The following ABCC5 variants were observed in gnomAD, a reference collection of about 807,000 sequenced individuals.
The protein encoded by ABCC5 is ATP-binding cassette sub-family C member 5.
ABCC5 carries 61 observed loss-of-function variants against 160.9 expected under a neutral mutation model. The observed-to-expected ratio is 0.38, with a 90% CI of 0.31 to 0.47. The LOEUF (loss-of-function observed/expected upper bound fraction) is 0.47. ABCC5 is among the 20% of genes least tolerant of loss of function. The pLI, the probability that ABCC5 is intolerant of heterozygous loss-of-function variation, is 0.99. For missense variants in ABCC5, 1,308 were observed against 1,813.3 expected, an observed-to-expected ratio of 0.72 and a Z score of 5.06; for synonymous variants, 666 against 700.6, an observed-to-expected ratio of 0.95 and a Z score of 0.78.
At chr3:184,006,675 T>C (rs898582484) in intron 2 of ABCC5, among the ~76,000 whole-genome samples, 12 of 152,342 alleles carry the variant, frequency 7.9e-5, no homozygotes, top group Admixed American at 4.6e-4. Context: ...AATGAGCCCA[T>C]ATTTCTTTCC....
chr3:183,968,533 G>T (rs1298367369), intron 11 of ABCC5, among the ~76,000 whole-genome samples: 1 of 152,014 alleles, frequency 6.6e-6, no homozygotes, highest in Non-Finnish European at 1.5e-5. Context: ...AAAAACCATG[G>T]ACACTGTTGC....
intron 25 of ABCC5, chr3:183,942,436 A>G: frequency 1.7e-6 from 1 of 576,426 alleles, no homozygotes; most frequent in Non-Finnish European, 3.3e-6. Context: ...TAGCTACCAA[A>G]ATGTTACCAG....
intron 2 of ABCC5, among the ~76,000 whole-genome samples, chr3:184,007,664 A>G (rs982750412): frequency 6.6e-6 from 1 of 151,936 alleles, no homozygotes; most frequent in Admixed American, 6.6e-5. Context: ...CATCTCTACT[A>G]AAAATACAAA....
In ABCC5 at chr3:183,989,140, A is replaced by C. The variant is rs369916429; in HGVS notation, c.287+86T>G. On this transcript the variant is annotated intron_variant, in intron 3 of 29. Transcript: ENST00000334444. ...GAGCCGAGATCATGCCACTGGCGAC[A>C]GAGCAAGACTCCATCTCAAAAAAAA... 5.3e-6 allele frequency: 7 copies of C among 1,319,918 alleles called. No individual in the cohort carries two copies. The African/African-American group carries it at 9.6e-5, about 18-fold the overall frequency. 81.8% of individuals were successfully genotyped at this position (1,319,918 alleles called of 1,614,324 possible).
In ABCC5 at chr3:183,960,579, T is replaced by C. The variant is rs1383570971; in HGVS notation, c.2380-744A>G. Reference sequence around the variant, plus strand: ...CTTGTAAGCCACATTTGTAAGTGCTTGTAAGAGCATAAAAGCATCGGTCTT... The same window carrying C: ...CTTGTAAGCCACATTTGTAAGTGCTCGTAAGAGCATAAAAGCATCGGTCTT... On this transcript the variant is annotated intron_variant, in intron 16 of 29. Transcript: ENST00000334444. Among the ~76,000 whole-genome samples, 3 of 152,140 alleles carry C rather than the reference T, an allele frequency of 2.0e-5. 1 individual carries two copies. The highest frequency in any genetic ancestry group is 2.0e-4 in the Admixed American group (3 of 15,268).
At chr3:183,999,507 C>T (rs535473256) in intron 2 of ABCC5, among the ~76,000 whole-genome samples, 13 of 152,230 alleles carry the variant, frequency 8.5e-5, no homozygotes, top group African/African-American at 3.1e-4. Flanking sequence ...GGGCCAGGTG[C>T]ACTGGCTCAC....
At chr3:183,970,625 CAG>C (rs770729824) in intron 11 of ABCC5, among the ~76,000 whole-genome samples, 14 of 152,190 alleles carry the variant, frequency 9.2e-5, no homozygotes, top group Admixed American at 3.9e-4. Context: ...GTTGTAGAGA[CAG>C]GGGTTCAACA....
At chr3:183,999,682 G>C (rs1411605092) in intron 2 of ABCC5, among the ~76,000 whole-genome samples, 1 of 152,128 alleles carries the variant, frequency 6.6e-6, no homozygotes, top group Non-Finnish European at 1.5e-5. Context: ...GAGAGGCTAA[G>C]GCAGGAGGAT....
chr3:183,943,715 G>A (rs1577486283), intron 24 of ABCC5, among the ~76,000 whole-genome samples: 1 of 152,146 alleles, frequency 6.6e-6, no homozygotes, highest in East Asian at 1.9e-4. Flanking sequence ...CTCTGTGTTG[G>A]GACAGTCAGT....
chr3:184,007,005 G>C (rs912965743), intron 2 of ABCC5, among the ~76,000 whole-genome samples: 18 of 133,360 alleles, frequency 1.3e-4, no homozygotes, highest in Admixed American at 3.0e-4. Flanking sequence ...ATGAACTTTA[G>C]TTTACTTCTG....
chr3:183,955,022 TGAGTGGTGGGG>T (rs1361066849), intron 17 of ABCC5, among the ~76,000 whole-genome samples: 19 of 151,888 alleles, frequency 1.3e-4, no homozygotes, highest in South Asian at 4.2e-4. Flanking sequence ...GAAATTAGCT[TGAGTGGTGGGG>T]GAGTGGTGGG....
At position 183,921,173 on chromosome 3, in the gene ABCC5, C is replaced by G; in HGVS notation, c.*127G>C. 1.8e-6 allele frequency: 1 copy of G among 562,570 alleles called. No individual in the cohort carries two copies. The highest frequency in any genetic ancestry group is 3.1e-4 in the Middle Eastern group (1 of 3,222). The allele number at this position is 562,570 out of a possible 1,614,324, so 34.8% of individuals were successfully genotyped here. A position where few individuals can be genotyped will look rare whatever the true frequency, so the allele number is the denominator to read the frequency against. Reference sequence around the variant, plus strand: ...TAAAAGTGAAACACACAAGCCAATCCGGAACTGCTGTGCGAAAGATAAAAT... The same window carrying G: ...TAAAAGTGAAACACACAAGCCAATCGGGAACTGCTGTGCGAAAGATAAAAT... On this transcript the variant is annotated 3_prime_UTR_variant, in exon 30 of 30. Coordinates refer to ENST00000334444, the MANE Select transcript of ABCC5 (RefSeq NM_005688.4). This position sits in a 1 kb window ranked among gnomAD's most constrained non-coding sequence, Gnocchi z 4.1.
At chr3:184,011,601 G>A (rs1336831128) in intron 2 of ABCC5, among the ~76,000 whole-genome samples, 7 of 152,140 alleles carry the variant, frequency 4.6e-5, no homozygotes, top group Non-Finnish European at 7.4e-5. Context: ...GTAACTGAAG[G>A]TTCAGAGCAC....
chr3:184,004,787 A>T (rs993009937), intron 2 of ABCC5, among the ~76,000 whole-genome samples: 3 of 152,222 alleles, frequency 2.0e-5, no homozygotes, highest in Non-Finnish European at 1.5e-5. Flanking sequence ...AAAAGTAAAC[A>T]GAAGGTTGTC....
At chr3:184,011,797 C>T (rs1721767337) in intron 2 of ABCC5, among the ~76,000 whole-genome samples, 2 of 151,964 alleles carry the variant, frequency 1.3e-5, no homozygotes, top group Non-Finnish European at 1.5e-5. Flanking sequence ...AAAGCAATCT[C>T]GAAAGGTTAT....
intron 5 of ABCC5, chr3:183,985,028 T>G (rs1576898651): frequency 1.3e-6 from 1 of 773,992 alleles, no homozygotes; most frequent in Non-Finnish European, 2.1e-6. Flanking sequence ...ATAGTGAATG[T>G]TTACACTATG....
chr3:183,979,649 C>T (rs904081457), intron 8 of ABCC5, among the ~76,000 whole-genome samples: 14 of 152,022 alleles, frequency 9.2e-5, no homozygotes, highest in African/African-American at 4.8e-5. Context: ...GGCACAATCA[C>T]GGCTCACCGC....
intron 2 of ABCC5, among the ~76,000 whole-genome samples, chr3:183,992,901 TTTG>T (rs1235192315): frequency 6.6e-6 from 1 of 152,198 alleles, no homozygotes; most frequent in Non-Finnish European, 1.5e-5. Context: ...TATTTTCAGT[TTTG>T]TGGGCTAAGA....
At chr3:183,944,393 AAAAAAAAT>A (rs1184588692) in intron 24 of ABCC5, among the ~76,000 whole-genome samples, 1 of 151,794 alleles carries the variant, frequency 6.6e-6, no homozygotes, top group Non-Finnish European at 1.5e-5. Flanking sequence ...ACCCTCTCTC[AAAAAAAAT>A]AAAAAAATAA....
Sources: allele counts gnomAD v4.1 joint callset (sites outside exome capture counted in the v4.1 genomes callset), GRCh38; gene constraint gnomAD v4.1.1; non-coding constraint Gnocchi (gnomAD v3.1); transcripts MANE v1.5; gene names NCBI Gene and HGNC (gene_info 2026-07-23, HGNC 2026-07-21).